RBM27: variants seen among roughly 807,000 people sequenced by gnomAD.
RBM27 encodes RNA binding motif protein 27.
RBM27 carries 22 observed loss-of-function variants against 135.3 expected under a neutral mutation model. The ratio of observed to expected loss-of-function variants is 0.16; its 90% CI spans 0.12 to 0.23. The LOEUF is 0.23. Among genes scored for constraint, RBM27 ranks in the 10% least tolerant of loss-of-function variants. RBM27 has a pLI of 1.00. For missense variants in RBM27, 1,009 were observed against 1,281.0 expected (o/e 0.79, Z 3.24); for synonymous variants, 481 against 442.4 (o/e 1.09, Z -1.10).
intron 3 of RBM27, among the ~76,000 whole-genome samples, chr5:146,227,535 G>C (rs1348552419): frequency 6.6e-6 from 1 of 152,108 alleles, no homozygotes; most frequent in Non-Finnish European, 1.5e-5. Flanking sequence ...TTGTCAGTGA[G>C]CTTCTCCATT....
intron 1 of RBM27, among the ~76,000 whole-genome samples, chr5:146,208,420 G>A (rs1178856630): frequency 6.6e-6 from 1 of 152,188 alleles, no homozygotes; most frequent in Non-Finnish European, 1.5e-5. Context: ...GAGACAGGAA[G>A]AAATGACTCC....
chr5:146,272,802 G>A (rs759928257), intron 19 of RBM27, among the ~76,000 whole-genome samples: 3 of 151,934 alleles, frequency 2.0e-5, no homozygotes, highest in Non-Finnish European at 4.4e-5. Flanking sequence ...TTATTAGTTT[G>A]ATGCCCATTA....
intron 3 of RBM27, among the ~76,000 whole-genome samples, chr5:146,224,075 C>A (rs1015189987): frequency 6.6e-6 from 1 of 152,090 alleles, no homozygotes; most frequent in African/African-American, 2.4e-5. Context: ...CTTTGTACTT[C>A]CTGTTATATA....
At chr5:146,242,650 G>A (rs1581185897) in intron 8 of RBM27, among the ~76,000 whole-genome samples, 1 of 152,288 alleles carries the variant, frequency 6.6e-6, no homozygotes, top group East Asian at 1.9e-4. Flanking sequence ...CTGGAGTGCA[G>A]TGGTGCGATC....
chr5:146,214,451 A>G (rs749437164), intron 1 of RBM27, among the ~76,000 whole-genome samples: 14 of 152,172 alleles, frequency 9.2e-5, no homozygotes, highest in South Asian at 2.1e-4. Context: ...GAGGGAAGTG[A>G]TGCTGCACTT....
At chr5:146,257,510 CT>C (rs1241551494) in intron 10 of RBM27, among the ~76,000 whole-genome samples, 4 of 152,170 alleles carry the variant, frequency 2.6e-5, no homozygotes, top group Admixed American at 2.0e-4. Context: ...TGAATGCTCT[CT>C]TGTATACTCT....
chr5:146,213,905 TAAA>T (rs1256487601), intron 1 of RBM27, among the ~76,000 whole-genome samples: 1 of 152,356 alleles, frequency 6.6e-6, no homozygotes, highest in East Asian at 1.9e-4. Flanking sequence ...AGCATGTTCT[TAAA>T]ACGTTATTGT....
chr5:146,270,574 C>T (rs1305030624), intron 17 of RBM27, among the ~76,000 whole-genome samples: 1 of 152,080 alleles, frequency 6.6e-6, no homozygotes, highest in Non-Finnish European at 1.5e-5. Flanking sequence ...TTGTGGATTC[C>T]AATCTGGTAG....
At chr5:146,256,606 G>A (rs1028553806) in intron 10 of RBM27, among the ~76,000 whole-genome samples, 1 of 151,844 alleles carries the variant, frequency 6.6e-6, no homozygotes, top group South Asian at 2.1e-4. Context: ...ATCTCACCTC[G>A]GACTCCCAAA....
At chr5:146,257,516 T>A (rs1350937160) in intron 10 of RBM27, among the ~76,000 whole-genome samples, 10 of 152,232 alleles carry the variant, frequency 6.6e-5, no homozygotes. Context: ...CTCTCTTGTA[T>A]ACTCTCTCTT....
chr5:146,285,818 A>C, intron 20 of RBM27, 129 bp from the exon 21 acceptor site: 1 of 559,046 alleles, frequency 1.8e-6, no homozygotes. Context: ...CCTGAAAGAT[A>C]CTCTTGCATG....
intron 6 of RBM27, among the ~76,000 whole-genome samples, chr5:146,232,253 CTTATT>C (rs1057489112): frequency 2.6e-5 from 4 of 152,076 alleles, no homozygotes; most frequent in African/African-American, 7.2e-5. Flanking sequence ...TTACATTTTA[CTTATT>C]TTAAAGTAGG....
chr5:146,250,852 C>T (rs970312421), intron 8 of RBM27, among the ~76,000 whole-genome samples: 1 of 136,586 alleles, frequency 7.3e-6, no homozygotes, highest in Admixed American at 8.4e-5. Context: ...TCTTGGCTCA[C>T]TGCAACCTCC....
chr5:146,220,476 A>G (rs1347303729), intron 2 of RBM27, among the ~76,000 whole-genome samples: 2 of 10,506 alleles, frequency 1.9e-4, no homozygotes, highest in Admixed American at 2.6e-3. Context: ...GTCCATCTCA[A>G]AAAAAAAAAA....
chr5:146,235,772 C>CG (rs1490217102), intron 7 of RBM27, among the ~76,000 whole-genome samples: 1 of 151,948 alleles, frequency 6.6e-6, no homozygotes, highest in Admixed American at 6.6e-5. Context: ...CTGCAACCTC[C>CG]GCCTCCCAGG....
At chr5:146,270,053 T>C (rs549411392) in intron 17 of RBM27, among the ~76,000 whole-genome samples, 59 of 152,224 alleles carry the variant, frequency 3.9e-4, no homozygotes, top group Non-Finnish European at 7.9e-4. Context: ...GCAGTGTTTT[T>C]CTAATGCTGT....
chr5:146,241,624 A>G (rs1369618977), intron 8 of RBM27, among the ~76,000 whole-genome samples: 2 of 152,050 alleles, frequency 1.3e-5, no homozygotes, highest in African/African-American at 4.8e-5. Flanking sequence ...AGGCCCACCT[A>G]ATTTTTGTAT....
intron 8 of RBM27, among the ~76,000 whole-genome samples, chr5:146,243,449 A>T (rs1483674484): frequency 6.6e-6 from 1 of 152,196 alleles, no homozygotes. Context: ...CAAAGGAATT[A>T]CTTACTCATT....
At position 146,260,809 on chromosome 5, in the gene RBM27, T is replaced by C. The variant is rs771395588; in HGVS notation, c.1804T>C (p.Leu602=). The C allele has an allele frequency of 1.2e-6, 2 of 1,613,362 alleles. No homozygotes were observed. The highest frequency in any genetic ancestry group is 1.3e-5 in the African/African-American group (1 of 74,896). Residue 602 remains leucine, a synonymous_variant, in exon 12 of 21, where the codon TTA becomes CTA. Transcript: ENST00000265271. ...LRKNQYTNTK[L]EVKKIPQELN... ...AAAGAATCAGTATACAAACACCAAA[T>C]TAGAAGTCAAGAAAATCCCTCAGGA... is the stretch of plus-strand genomic sequence containing the variant.
Sources: allele counts gnomAD v4.1 joint callset (sites outside exome capture counted in the v4.1 genomes callset), GRCh38; gene constraint gnomAD v4.1.1; transcripts MANE v1.5; gene names NCBI Gene and HGNC (gene_info 2026-07-23, HGNC 2026-07-21).